Variants in MORN4 observed in about 807,000 individuals in gnomAD.
MORN4 encodes the protein MORN repeat-containing protein 4.
In MORN4, 8 loss-of-function variants were observed where a neutral mutation model predicts 16.4. The observed-to-expected ratio is 0.49, with a 90% CI of 0.29 to 0.88. The LOEUF (loss-of-function observed/expected upper bound fraction) is 0.88, where lower values mean the gene tolerates loss of function less well. MORN4 is among the 40% of genes least tolerant of loss of function. MORN4 has a pLI of 0.09. For synonymous variants in MORN4, 53 were observed against 68.9 expected (o/e 0.77, Z 1.14); for missense variants, 159 against 182.9 (o/e 0.87, Z 0.75).
intron 1 of MORN4, among the ~76,000 whole-genome samples, chr10:97,624,240 A>G (rs2041329480): frequency 6.6e-6 from 1 of 152,104 alleles, no homozygotes; most frequent in South Asian, 2.1e-4. Context: ...CATATGTTAA[A>G]TTTGCTTTCT....
chr10:97,628,542 T>C (rs1057465680), intron 1 of MORN4, among the ~76,000 whole-genome samples: 32 of 152,046 alleles, frequency 2.1e-4, no homozygotes, highest in African/African-American at 7.5e-4. Flanking sequence ...TTCTTTCTTT[T>C]TTTTTTTTTG....
rs2041239941 is a variant in MORN4, at chr10:97,616,761, T to C, written c.209A>G (p.Lys70Arg). Residue 70 changes from lysine to arginine, a missense_variant, in exon 4 of 5, where the codon AAG becomes AGG. Coordinates refer to ENST00000307450, the MANE Select transcript of MORN4 (RefSeq NM_178832.4). ...AATGAAGACTCCGACGCCATTAAAC[T>C]TGCCCTGGGCAAACTCCCCCTCATA... The part of the protein sequence containing the change: ...SRYEGEFAQG[K>R]FNGVGVFIRY... 6.2e-7 allele frequency: 1 copy of C among 1,613,962 alleles called. No individual in the cohort carries two copies. The highest frequency in any genetic ancestry group is 8.5e-7 in the Non-Finnish European group (1 of 1,179,950).
At chr10:97,627,434 C>T (rs10128142) in intron 1 of MORN4, among the ~76,000 whole-genome samples, 49,095 of 152,018 alleles carry the variant, frequency 0.32, 9,998 homozygotes, top group African/African-American at 0.58. Flanking sequence ...TGAGCTACCG[C>T]GCCCAGCCAG....
Position 97,616,766 on chromosome 10 carries a change from C to T in MORN4, c.204G>A (p.Gln68=), listed in dbSNP as rs776785078. The T allele has an allele frequency of 6.2e-7, 1 of 1,613,814 alleles. No homozygotes were observed. The highest frequency in any genetic ancestry group is 8.5e-7 in the Non-Finnish European group (1 of 1,179,810). The change falls in exon 4 of 5, where the codon CAG becomes CAA. Residue 68 remains glutamine, a synonymous_variant. Coordinates refer to ENST00000307450, the MANE Select transcript of MORN4 (RefSeq NM_178832.4). ...DGSRYEGEFA[Q]GKFNGVGVFI... The stretch of plus-strand genomic sequence containing the variant: ...AGACTCCGACGCCATTAAACTTGCC[C>T]TGGGCAAACTCCCCCTCATACCTGC...
chr10:97,616,584 A>C (rs1226237530), intron 4 of MORN4, 94 bp downstream of exon 4: 10 of 1,259,570 alleles, frequency 7.9e-6, no homozygotes, highest in Non-Finnish European at 3.4e-6. Context: ...GCCACTATGG[A>C]TTGCTGGACA....
chr10:97,617,321 G>A lies in MORN4; in HGVS notation c.69C>T (p.Gly23=). ...GEEYRGEWKE[G]RRHGFGQLMF... ...TCAGTTGACCAAAACCATGCCTGCG[G>A]CCTGAACAAAGAGAAGGATAGGTGT... Residue 23 remains glycine (G), a splice_region_variant and synonymous_variant, in exon 3 of 5, where the codon GGC becomes GGT. Coordinates refer to ENST00000307450, the MANE Select transcript of MORN4 (RefSeq NM_178832.4). The A allele has an allele frequency of 6.2e-7, 1 of 1,613,870 alleles. No homozygotes were observed. The highest frequency in any genetic ancestry group is 8.5e-7 in the Non-Finnish European group (1 of 1,179,770).
intron 2 of MORN4, among the ~76,000 whole-genome samples, chr10:97,618,921 C>G (rs1187903995): frequency 6.6e-6 from 1 of 151,702 alleles, no homozygotes; most frequent in East Asian, 1.9e-4. Flanking sequence ...CTTAGCTTCT[C>G]CTTGCCTCAA....
At chr10:97,623,405 A>C (rs2041320875) in intron 1 of MORN4, among the ~76,000 whole-genome samples, 1 of 152,180 alleles carries the variant, frequency 6.6e-6, no homozygotes, top group East Asian at 1.9e-4. Flanking sequence ...TGACAGTGCC[A>C]CTACAGCCTG....
At chr10:97,622,734 AAG>A (rs2041312836) in intron 1 of MORN4, among the ~76,000 whole-genome samples, 1 of 151,012 alleles carries the variant, frequency 6.6e-6, no homozygotes, top group African/African-American at 2.4e-5. Context: ...AGAGGGAATT[AAG>A]ATACCCCCCA....
intron 1 of MORN4, among the ~76,000 whole-genome samples, chr10:97,623,444 C>CA (rs1415212905): frequency 1.1e-4 from 16 of 150,436 alleles, no homozygotes; most frequent in African/African-American, 3.9e-4. Flanking sequence ...TGTCCCCCTC[C>CA]AAAAAAAAAG....
At chr10:97,620,081 G>A (rs1326544125) in intron 1 of MORN4, among the ~76,000 whole-genome samples, 1 of 152,082 alleles carries the variant, frequency 6.6e-6, no homozygotes, top group African/African-American at 2.4e-5. Flanking sequence ...CAGAGATAAT[G>A]TGATTAAGTG....
rs1272965165 is a variant in MORN4, at chr10:97,614,752, G to A, written c.*1511C>T. The A allele has an allele frequency of 1.3e-5, 2 of 152,494 alleles. No homozygotes were observed. The highest frequency in any genetic ancestry group is 2.1e-4 in the South Asian group (1 of 4,828). The allele number at this position is 152,494 out of a possible 1,614,324, so 9.4% of individuals were successfully genotyped here. A position where few individuals can be genotyped will look rare whatever the true frequency, so the allele number is the denominator to read the frequency against. ...GGAGGCCTACGTAATAAACTGCAGA[G>A]ATCCCATCAGTAAGGTCTGATTGCG... On this transcript the variant is annotated 3_prime_UTR_variant, in exon 5 of 5. Transcript: ENST00000307450.
chr10:97,616,887 A>G lies in MORN4; in HGVS notation c.183-100T>C. Reference sequence around the variant, plus strand: ...TCTCTGTTATTTAATGATGCTAAGGAGCAAGCCGATTCTACCAGTCACATA... The same window carrying G: ...TCTCTGTTATTTAATGATGCTAAGGGGCAAGCCGATTCTACCAGTCACATA... On this transcript the variant is annotated intron_variant, in intron 3 of 4. Coordinates refer to ENST00000307450, the MANE Select transcript of MORN4 (RefSeq NM_178832.4). The G allele has an allele frequency of 5.9e-6, 5 of 842,226 alleles. No individual in the cohort carries two copies. In the South Asian group the frequency reaches 7.1e-5, roughly 12 times the overall value. The allele number at this position is 842,226 out of a possible 1,614,324, so 52.2% of individuals were successfully genotyped here.
intron 1 of MORN4, among the ~76,000 whole-genome samples, chr10:97,627,694 T>C (rs2041360912): frequency 6.6e-6 from 1 of 152,224 alleles, no homozygotes; most frequent in South Asian, 2.1e-4. Context: ...CCCATAGGAC[T>C]TTCTCCCTTC....
At chr10:97,630,859 C>CT (rs1029232144) in intron 1 of MORN4, among the ~76,000 whole-genome samples, 59 of 147,526 alleles carry the variant, frequency 4.0e-4, no homozygotes, top group South Asian at 2.1e-3. Flanking sequence ...AAGCCCAATA[C>CT]TTTTTTTTTT....
intron 2 of MORN4, among the ~76,000 whole-genome samples, chr10:97,619,232 C>T (rs1371129617): frequency 2.0e-5 from 3 of 151,850 alleles, no homozygotes; most frequent in South Asian, 2.1e-4. Context: ...GGCTGAGGCA[C>T]GAGAATCGCT....
intron 1 of MORN4, among the ~76,000 whole-genome samples, chr10:97,631,166 G>A (rs1277134815): frequency 6.6e-6 from 1 of 152,126 alleles, no homozygotes; most frequent in Non-Finnish European, 1.5e-5. Flanking sequence ...ACTTTAATAA[G>A]GGATGCAAAT....
At chr10:97,631,144 G>A (rs1174451703) in intron 1 of MORN4, among the ~76,000 whole-genome samples, 1 of 152,308 alleles carries the variant, frequency 6.6e-6, no homozygotes, top group East Asian at 1.9e-4. Context: ...GAGCCACCAT[G>A]TCTGGCCCAA....
At chr10:97,620,517 A>AAAAAG (rs2041280877) in intron 1 of MORN4, among the ~76,000 whole-genome samples, 2 of 149,310 alleles carry the variant, frequency 1.3e-5, no homozygotes, top group African/African-American at 5.0e-5. Context: ...AGAAAAAAAA[A>AAAAAG]AGAAAATATG....
Sources: allele counts gnomAD v4.1 joint callset (sites outside exome capture counted in the v4.1 genomes callset), GRCh38; gene constraint gnomAD v4.1.1; transcripts MANE v1.5; gene names NCBI Gene and HGNC (gene_info 2026-07-23, HGNC 2026-07-21).